The following MMP16 variants were observed in gnomAD, a reference collection of about 807,000 sequenced individuals.
MMP16 encodes the protein matrix metalloproteinase-16.
In MMP16, 12 loss-of-function variants were observed where a neutral mutation model predicts 67.8. The ratio of observed to expected loss-of-function variants is 0.18; its 90% CI spans 0.11 to 0.29. The LOEUF is 0.29. MMP16 is among the 10% of genes least tolerant of loss of function. The pLI, the probability that MMP16 is intolerant of heterozygous loss-of-function variation, is 1.00. For missense variants in MMP16, 475 were observed against 765.7 expected, an observed-to-expected ratio of 0.62 and a Z score of 4.48; for synonymous variants, 249 against 255.9, an observed-to-expected ratio of 0.97 and a Z score of 0.26.
At chr8:88,146,232 T>C (rs1306699957) in intron 4 of MMP16, among the ~76,000 whole-genome samples, 1 of 152,048 alleles carries the variant, frequency 6.6e-6, no homozygotes, top group East Asian at 1.9e-4. Context: ...CTCTATGATA[T>C]TAGTAATTAT....
At chr8:88,217,763 T>C (rs1809617455) in intron 1 of MMP16, among the ~76,000 whole-genome samples, 1 of 151,986 alleles carries the variant, frequency 6.6e-6, no homozygotes, top group South Asian at 2.1e-4. Context: ...AATAAAAATA[T>C]GAAAATATGA....
At chr8:88,316,629 C>T (rs1045255523) in intron 1 of MMP16, among the ~76,000 whole-genome samples, 7 of 152,140 alleles carry the variant, frequency 4.6e-5, no homozygotes, top group Non-Finnish European at 7.4e-5. Context: ...TATCTGGTCA[C>T]CCAGAGCTCT....
intron 1 of MMP16, among the ~76,000 whole-genome samples, chr8:88,304,136 G>A (rs1332785070): frequency 6.6e-6 from 1 of 152,140 alleles, no homozygotes; most frequent in Non-Finnish European, 1.5e-5. Flanking sequence ...CACAACATGA[G>A]AACTTCACAA....
intron 1 of MMP16, among the ~76,000 whole-genome samples, chr8:88,220,681 G>A (rs893206846): frequency 6.6e-6 from 1 of 152,100 alleles, no homozygotes; most frequent in African/African-American, 2.4e-5. Flanking sequence ...CTGTGAGGAT[G>A]AAAGAAAAGT....
At chr8:88,292,048 G>T (rs17667787) in intron 1 of MMP16, among the ~76,000 whole-genome samples, 15,434 of 152,042 alleles carry the variant, frequency 0.1, 941 homozygotes, top group South Asian at 0.17. Context: ...GATCAGCTTG[G>T]ATACAAAGTC....
intron 3 of MMP16, among the ~76,000 whole-genome samples, chr8:88,172,665 C>A (rs1416354091): frequency 1.3e-5 from 2 of 152,026 alleles, no homozygotes; most frequent in East Asian, 1.9e-4. Context: ...TTTTTACTGG[C>A]CCTTTCTTTT....
intron 6 of MMP16, among the ~76,000 whole-genome samples, chr8:88,105,091 C>T (rs1228334585): frequency 6.6e-6 from 1 of 151,304 alleles, no homozygotes; most frequent in Admixed American, 6.6e-5. Flanking sequence ...TTCCAGTCTG[C>T]AGGCTCCACT....
At chr8:88,254,642 GAATA>G (rs759136018) in intron 1 of MMP16, among the ~76,000 whole-genome samples, 20 of 152,050 alleles carry the variant, frequency 1.3e-4, no homozygotes, top group Non-Finnish European at 2.2e-4. Context: ...ACTGATAGCT[GAATA>G]AATAAATGTC....
intron 1 of MMP16, among the ~76,000 whole-genome samples, chr8:88,218,368 A>G (rs1360120836): frequency 2.0e-5 from 3 of 152,012 alleles, no homozygotes; most frequent in Admixed American, 2.0e-4. Context: ...ATTAAAGGGG[A>G]CAAACTTTCA....
intron 4 of MMP16, among the ~76,000 whole-genome samples, chr8:88,162,853 G>T (rs1177907361): frequency 6.6e-6 from 1 of 151,910 alleles, no homozygotes; most frequent in African/African-American, 2.4e-5. Flanking sequence ...AGTTCACTGA[G>T]GCCTCCCCAG....
intron 4 of MMP16, among the ~76,000 whole-genome samples, chr8:88,138,814 A>G (rs75884184): frequency 0.07 from 10,650 of 152,028 alleles, 404 homozygotes; most frequent in East Asian, 0.16. Flanking sequence ...GAATACACAC[A>G]CATACACATA....
At chr8:88,261,165 T>C (rs1173391700) in intron 1 of MMP16, among the ~76,000 whole-genome samples, 1 of 152,150 alleles carries the variant, frequency 6.6e-6, no homozygotes, top group African/African-American at 2.4e-5. Flanking sequence ...TCTAATTTAA[T>C]CATTCCCTCT....
chr8:88,307,637 CT>C (rs1239771847), intron 1 of MMP16, among the ~76,000 whole-genome samples: 1 of 151,860 alleles, frequency 6.6e-6, no homozygotes, highest in East Asian at 1.9e-4. Context: ...ACAAATGAGT[CT>C]CCATTTCCCT....
intron 1 of MMP16, among the ~76,000 whole-genome samples, chr8:88,241,084 T>G (rs1810026307): frequency 6.6e-6 from 1 of 151,756 alleles, no homozygotes; most frequent in Non-Finnish European, 1.5e-5. Flanking sequence ...TTGTTTTGTT[T>G]TTTTTTTTTC....
At chr8:88,144,279 A>G (rs574106437) in intron 4 of MMP16, among the ~76,000 whole-genome samples, 13 of 152,120 alleles carry the variant, frequency 8.5e-5, no homozygotes, top group African/African-American at 3.1e-4. Context: ...GACATTTAAT[A>G]ACAAAATTAA....
intron 9 of MMP16, 74 bp downstream of exon 9, chr8:88,046,595 T>G (rs927442203): frequency 3.3e-6 from 3 of 898,234 alleles, no homozygotes; most frequent in African/African-American, 3.3e-5. Flanking sequence ...ATGGCTTAAT[T>G]TAGCAGAGTG....
intron 4 of MMP16, among the ~76,000 whole-genome samples, chr8:88,138,671 C>T (rs1563543161): frequency 6.6e-6 from 1 of 151,990 alleles, no homozygotes; most frequent in South Asian, 2.1e-4. Flanking sequence ...AACCCTCAAC[C>T]TGAAGTCTCA....
chr8:88,157,731 T>A (rs538567114), intron 4 of MMP16, among the ~76,000 whole-genome samples: 96 of 152,308 alleles, frequency 6.3e-4, no homozygotes, highest in Admixed American at 9.2e-4. Context: ...TGCAGGTTTG[T>A]TACATAGGTA....
intron 1 of MMP16, among the ~76,000 whole-genome samples, chr8:88,306,522 A>ATC (rs1811214033): frequency 1.3e-5 from 2 of 152,168 alleles, no homozygotes; most frequent in African/African-American, 2.4e-5. Flanking sequence ...TGGATGTAAA[A>ATC]ATCCTCAGTA....
Sources: gnomAD v4.1 joint callset for allele counts (sites outside exome capture counted in the v4.1 genomes callset) on GRCh38, gnomAD v4.1.1 for gene constraint, MANE v1.5 for transcripts, NCBI Gene and HGNC (gene_info 2026-07-23, HGNC 2026-07-21) for gene names.